FRRS1L: variants seen among roughly 807,000 people sequenced by gnomAD.
FRRS1L encodes DOMON domain-containing protein FRRS1L.
FRRS1L carries 22 observed loss-of-function variants against 28.6 expected under a neutral mutation model. That is an observed-to-expected ratio of 0.77 (90% CI 0.55 to 1.10). The LOEUF (loss-of-function observed/expected upper bound fraction) is 1.10. Among genes scored for constraint, FRRS1L ranks in the 50% least tolerant of loss-of-function variants. FRRS1L has a pLI of 0.00. For synonymous variants in FRRS1L, 158 were observed against 151.4 expected, an observed-to-expected ratio of 1.04 and a Z score of -0.32; for missense variants, 380 against 386.9, an observed-to-expected ratio of 0.98 and a Z score of 0.15.
chr9:109,141,569 G>A lies in FRRS1L; in HGVS notation c.483C>T (p.Ala161=), dbSNP rs754499375. Residue 161 remains alanine, a synonymous_variant, in exon 4 of 5, where the codon GCC becomes GCT. Coordinates refer to ENST00000561981, the MANE Select transcript of FRRS1L (RefSeq NM_014334.4). The part of the protein sequence containing the change: ...DKKMGGDDVM[A]CVHDDNGRVR... ...CCCTGCCATTGTCATCATGGACGCA[G>A]GCCATGACATCATCACCACCCTAAC... 6.2e-7 allele frequency: 1 copy of A among 1,613,418 alleles called. No homozygotes were observed. Among genetic ancestry groups the A allele is most frequent in the East Asian group, 2.2e-5 (1 of 44,862 alleles).
In FRRS1L at chr9:109,147,076, A is replaced by T. The variant is rs1588099321; in HGVS notation, c.437T>A (p.Val146Asp). ...CATTTTCTTGTCTGAAGAGAATCCAACTGCTACCCAACCATCTGTGTCTGC... is the reference window on the plus strand; with the variant it reads ...CATTTTCTTGTCTGAAGAGAATCCATCTGCTACCCAACCATCTGTGTCTGC... Reference protein sequence around the residue: ...LSADTDGWVAVGFSSDKKMGG... With the variant: ...LSADTDGWVADGFSSDKKMGG... Residue 146 changes from valine (V) to aspartate (D), a missense_variant, in exon 3 of 5, where the codon GTT becomes GAT. By Grantham distance (152) the Val-to-Asp change is radical (BLOSUM62 -3). Coordinates refer to ENST00000561981, the MANE Select transcript of FRRS1L (RefSeq NM_014334.4). 7.4e-6 allele frequency: 12 copies of T among 1,613,996 alleles called. No homozygotes were observed. The highest frequency in any genetic ancestry group is 2.2e-5 in the East Asian group (1 of 44,884).
At chr9:109,149,337 C>T (rs532080793) in intron 2 of FRRS1L, among the ~76,000 whole-genome samples, 13 of 152,294 alleles carry the variant, frequency 8.5e-5, no homozygotes, top group African/African-American at 2.9e-4. Context: ...AGCACAGACA[C>T]GTTCTGTGTC....
At chr9:109,147,487 T>C (rs1188675434) in intron 2 of FRRS1L, 2 of 295,192 alleles carry the variant, frequency 6.8e-6, no homozygotes, top group Non-Finnish European at 1.3e-5. Flanking sequence ...CCAGCCAGTG[T>C]TCTCTACATT....
Position 109,141,580 on chromosome 9 carries a change from C to A in FRRS1L, c.472G>T (p.Asp158Tyr), listed in dbSNP as rs1410603750. 2 of 1,611,798 alleles carry A rather than the reference C, an allele frequency of 1.2e-6. No homozygotes were observed. Among genetic ancestry groups the A allele is most frequent in the African/African-American group, 1.3e-5 (1 of 74,706 alleles). The part of the protein sequence containing the change: ...FSSDKKMGGD[D>Y]VMACVHDDNG... ...TCATCATGGACGCAGGCCATGACAT[C>A]ATCACCACCCTAACATGAGAAATGA... Residue 158 changes from aspartate to tyrosine, a missense_variant, in exon 4 of 5, where the codon GAT becomes TAT. Coordinates refer to ENST00000561981, the MANE Select transcript of FRRS1L (RefSeq NM_014334.4).
chr9:109,147,354 T>A, intron 2 of FRRS1L, 165 bp from the exon 3 acceptor site: 1 of 608,882 alleles, frequency 1.6e-6, no homozygotes, highest in South Asian at 2.1e-5. Context: ...AGGAGGAACC[T>A]TAGAGATGAT....
intron 3 of FRRS1L, among the ~76,000 whole-genome samples, chr9:109,142,224 G>A (rs1243372596): frequency 6.6e-6 from 1 of 152,100 alleles, no homozygotes; most frequent in East Asian, 1.9e-4. Context: ...AGGGTTAAAG[G>A]ATTATGATAT....
At chr9:109,142,128 T>A (rs904366821) in intron 3 of FRRS1L, among the ~76,000 whole-genome samples, 1 of 152,164 alleles carries the variant, frequency 6.6e-6, no homozygotes, top group African/African-American at 2.4e-5. Flanking sequence ...AATACCATCA[T>A]ATCAATGTTA....
intron 1 of FRRS1L, among the ~76,000 whole-genome samples, chr9:109,159,072 T>C (rs1831447238): frequency 6.6e-6 from 1 of 152,238 alleles, no homozygotes; most frequent in Admixed American, 6.5e-5. Context: ...GCCCATGATG[T>C]TGGGCATCTT....
rs567802086 is a variant in FRRS1L at position 109,132,197 on chromosome 9, G to A, written c.*5258C>T. ...TCACCGTGTCAGCCAGGATGGTCTC[G>A]ATCTCCTGATCTCGTGATCCGCCCA... On this transcript the variant is annotated 3_prime_UTR_variant, in exon 5 of 5. Coordinates refer to ENST00000561981, the MANE Select transcript of FRRS1L (RefSeq NM_014334.4). 2 of 152,216 alleles carry A rather than the reference G, an allele frequency of 1.3e-5. No homozygotes were observed. Among genetic ancestry groups the A allele is most frequent in the South Asian group, 2.1e-4 (1 of 4,818 alleles). The allele number at this position is 152,216 out of a possible 1,614,324, so 9.4% of individuals were successfully genotyped here.
chr9:109,154,938 T>C (rs1588102211), intron 1 of FRRS1L, among the ~76,000 whole-genome samples: 1 of 152,202 alleles, frequency 6.6e-6, no homozygotes, highest in South Asian at 2.1e-4. Context: ...TCCTGCCAGG[T>C]TGCAAAAAGT....
In FRRS1L at chr9:109,135,958, G is replaced by A. The variant is rs575003250; in HGVS notation, c.*1497C>T. The A allele has an allele frequency of 2.0e-5, 3 of 151,860 alleles. No individual in the cohort carries two copies. The highest frequency in any genetic ancestry group is 7.2e-5 in the African/African-American group (3 of 41,434). 9.4% of individuals were successfully genotyped at this position (151,860 alleles called of 1,614,324 possible). A position where few individuals can be genotyped will look rare whatever the true frequency, so the allele number is the denominator to read the frequency against. On this transcript the variant is annotated 3_prime_UTR_variant, in exon 5 of 5. Transcript: ENST00000561981. ...TATAACACATTTTTAGGCCAGGCAC[G>A]GTGGCTCACACCTGTAATCCTAGCA...
At chr9:109,164,342 C>T (rs924259051) in intron 1 of FRRS1L, among the ~76,000 whole-genome samples, 1 of 151,240 alleles carries the variant, frequency 6.6e-6, no homozygotes, top group Non-Finnish European at 1.5e-5. Context: ...GGAAGTTGAG[C>T]CAGGGAGGAC....
At chr9:109,141,739 C>T in intron 3 of FRRS1L, 150 bp from the exon 4 acceptor site, 1 of 724,546 alleles carries the variant, frequency 1.4e-6, no homozygotes, top group East Asian at 2.7e-5. Context: ...AACCAGGAGA[C>T]CAAAGTTACC....
intron 1 of FRRS1L, among the ~76,000 whole-genome samples, chr9:109,161,241 C>A (rs895629082): frequency 6.6e-6 from 1 of 152,092 alleles, no homozygotes; most frequent in African/African-American, 2.4e-5. Context: ...TCTGTCCGTT[C>A]CCCCATTTTT....
intron 1 of FRRS1L, among the ~76,000 whole-genome samples, chr9:109,153,259 G>A (rs941948060): frequency 6.6e-6 from 1 of 152,164 alleles, no homozygotes; most frequent in Admixed American, 6.5e-5. Flanking sequence ...GAAGGTTGGG[G>A]CTTTGTGCTA....
chr9:109,165,137 C>A (rs1831532217), intron 1 of FRRS1L, among the ~76,000 whole-genome samples: 1 of 152,220 alleles, frequency 6.6e-6, no homozygotes, highest in Non-Finnish European at 1.5e-5. Context: ...ACATTAGATG[C>A]TTTCAGAAAC....
At chr9:109,159,732 T>C (rs1831457969) in intron 1 of FRRS1L, among the ~76,000 whole-genome samples, 2 of 152,206 alleles carry the variant, frequency 1.3e-5, no homozygotes, top group Admixed American at 1.3e-4. Flanking sequence ...ATAATGCAAG[T>C]TGGCCTCATC....
At chr9:109,149,768 T>C in intron 1 of FRRS1L, 48 bp from the exon 2 acceptor site, 1 of 1,254,110 alleles carries the variant, frequency 8.0e-7, no homozygotes, top group Non-Finnish European at 1.2e-6. Flanking sequence ...TAACAACTGT[T>C]CCAATGAGAA....
intron 1 of FRRS1L, among the ~76,000 whole-genome samples, chr9:109,159,879 T>A (rs1831459305): frequency 6.6e-6 from 1 of 152,188 alleles, no homozygotes. Context: ...CTGCAGACTG[T>A]GGAACCTGCC....
Sources: gnomAD v4.1 joint callset for allele counts (sites outside exome capture counted in the v4.1 genomes callset) on GRCh38, gnomAD v4.1.1 for gene constraint, MANE v1.5 for transcripts, NCBI Gene and HGNC (gene_info 2026-07-23, HGNC 2026-07-21) for gene names.